The following IFT57 variants were observed in gnomAD, a reference collection of about 807,000 sequenced individuals.
The protein encoded by IFT57 is intraflagellar transport 57.
Under a neutral mutation model 56.8 loss-of-function variants are expected in IFT57, and 59 were observed. That is an observed-to-expected ratio of 1.04 (90% CI 0.84 to 1.29). The LOEUF is 1.29. Among genes scored for constraint, IFT57 ranks in the 50% most tolerant of loss-of-function variants. The pLI is 0.00. For missense variants in IFT57, 470 were observed against 522.1 expected (o/e 0.90, Z 0.97); for synonymous variants, 209 against 186.1 (o/e 1.12, Z -1.00).
chr3:108,220,029 C>T (rs1399641363), intron 1 of IFT57, among the ~76,000 whole-genome samples: 2 of 152,212 alleles, frequency 1.3e-5, no homozygotes, highest in Admixed American at 6.5e-5. Flanking sequence ...ATGTTGGCTG[C>T]ATATTCAATC....
rs2080305216 is a variant in IFT57, at chr3:108,205,666, A to C, written c.654+962T>G. Among the ~76,000 whole-genome samples, 3 of 149,880 alleles carry C rather than the reference A, an allele frequency of 2.0e-5. No homozygotes were observed. In the South Asian group the frequency reaches 6.2e-4, roughly 31 times the overall value. ...ACTTGTCTTGAGGATTCAGATAAGA[A>C]AAATTAAATAAAGGACTAATAGAGC... is the stretch of plus-strand genomic sequence containing the variant. On this transcript the variant is annotated intron_variant, in intron 5 of 10. Coordinates refer to ENST00000264538, the MANE Select transcript of IFT57 (RefSeq NM_018010.4).
At chr3:108,189,812 T>A (rs1332366640) in intron 6 of IFT57, among the ~76,000 whole-genome samples, 1 of 152,196 alleles carries the variant, frequency 6.6e-6, no homozygotes, top group Non-Finnish European at 1.5e-5. Context: ...ATGATACTGA[T>A]AATATAAACA....
chr3:108,167,984 C>T (rs1228602598), intron 6 of IFT57, 120 bp from the exon 7 acceptor site: 4 of 555,126 alleles, frequency 7.2e-6, no homozygotes, highest in African/African-American at 1.9e-5. Flanking sequence ...GGTGGGATAG[C>T]CCTATTTATA....
chr3:108,195,257 C>A (rs929686567), intron 5 of IFT57, among the ~76,000 whole-genome samples: 3 of 152,060 alleles, frequency 2.0e-5, no homozygotes, highest in African/African-American at 7.2e-5. Flanking sequence ...CAGAGAAATG[C>A]GAACCAAAAC....
chr3:108,218,694 A>G, intron 2 of IFT57, 41 bp from the exon 3 acceptor site: 1 of 980,288 alleles, frequency 1.0e-6, no homozygotes, highest in Non-Finnish European at 1.5e-6. Context: ...TTTGTTAGTT[A>G]TACTCCAAAT....
chr3:108,208,869 T>C (rs886999318), intron 4 of IFT57, among the ~76,000 whole-genome samples: 2 of 151,948 alleles, frequency 1.3e-5, no homozygotes, highest in African/African-American at 4.8e-5. Context: ...GAAGGAAGAG[T>C]ATTCTAAAAT....
At chr3:108,196,821 A>AT (rs1440923158) in intron 5 of IFT57, among the ~76,000 whole-genome samples, 1 of 152,202 alleles carries the variant, frequency 6.6e-6, no homozygotes, top group Non-Finnish European at 1.5e-5. Flanking sequence ...CCATGTTTGC[A>AT]TATCTATTTC....
At chr3:108,165,399 G>A in intron 9 of IFT57, 32 bp downstream of exon 9, 1 of 1,582,028 alleles carries the variant, frequency 6.3e-7, no homozygotes, top group Non-Finnish European at 8.7e-7. Flanking sequence ...CAGCTGACAG[G>A]TGAGAAGCAG....
At position 108,219,448 on chromosome 3, in the gene IFT57, C is replaced by A; in HGVS notation, c.337G>T (p.Ala113Ser). The change falls in exon 2 of 11, where the codon GCA becomes TCA. Residue 113 changes from alanine (A) to serine (S), a missense_variant. Physicochemically the swap from Ala to Ser is moderately conservative, Grantham distance 99 (BLOSUM62 1). Transcript: ENST00000264538. ...TCGGATAGTATGTTAGATATTGTTGCATTAGGGTCATCATATTCTTGAGGC... is the reference window on the plus strand; with the variant it reads ...TCGGATAGTATGTTAGATATTGTTGAATTAGGGTCATCATATTCTTGAGGC... ...EQPQEYDDPN[A>S]TISNILSELR... 1 of 1,613,252 alleles carries A rather than the reference C, an allele frequency of 6.2e-7. No individual in the cohort carries two copies. The highest frequency in any genetic ancestry group is 8.5e-7 in the Non-Finnish European group (1 of 1,179,564).
At chr3:108,162,774 A>C in intron 10 of IFT57, 119 bp from the exon 11 acceptor site, 2 of 738,852 alleles carry the variant, frequency 2.7e-6, no homozygotes, top group Non-Finnish European at 4.0e-6. Flanking sequence ...AAATATAGCC[A>C]AAAACTTACT....
At position 108,206,614 on chromosome 3, in the gene IFT57, C is replaced by A; in HGVS notation, c.654+14G>T. Reference sequence around the variant, plus strand: ...GATTGCTTGTTGGTCCTGCATGTATCTGATGAAACTTACCAAGTGATATGT... The same window carrying A: ...GATTGCTTGTTGGTCCTGCATGTATATGATGAAACTTACCAAGTGATATGT... On this transcript the variant is annotated intron_variant, in intron 5 of 10. Transcript: ENST00000264538. The A allele has an allele frequency of 7.9e-7, 1 of 1,258,650 alleles. No individual in the cohort carries two copies. The highest frequency in any genetic ancestry group is 1.1e-6 in the Non-Finnish European group (1 of 944,160). The allele number at this position is 1,258,650 out of a possible 1,614,324, so 78.0% of individuals were successfully genotyped here. A position where few individuals can be genotyped will look rare whatever the true frequency, so the allele number is the denominator to read the frequency against.
At chr3:108,195,521 C>T (rs2108319258) in intron 5 of IFT57, among the ~76,000 whole-genome samples, 1 of 152,230 alleles carries the variant, frequency 6.6e-6, no homozygotes, top group South Asian at 2.1e-4. Context: ...TCTGCATTCG[C>T]ATGTTTACTG....
At chr3:108,178,471 CA>C (rs1307301824) in intron 6 of IFT57, among the ~76,000 whole-genome samples, 1 of 151,722 alleles carries the variant, frequency 6.6e-6, no homozygotes, top group African/African-American at 2.4e-5. Flanking sequence ...TATCATAATA[CA>C]AAAAGGAAAA....
Position 108,166,910 on chromosome 3 carries a change from T to C in IFT57, c.925A>G (p.Asn309Asp). 1 of 1,611,822 alleles carries C rather than the reference T, an allele frequency of 6.2e-7. No individual in the cohort carries two copies. The highest frequency in any genetic ancestry group is 8.5e-7 in the Non-Finnish European group (1 of 1,178,620). Residue 309 changes from asparagine to aspartate, a missense_variant, in exon 8 of 11, where the codon AAT becomes GAT. By Grantham distance (23) the Asn-to-Asp change is conservative. Transcript: ENST00000264538. ...TCTTGAACCAAATTCTCAAGCTGAT[T>C]GTTGATGTACTTTTCTCGGCTGCTG... ...KISSREKYIN[N>D]QLENLVQEYR...
intron 5 of IFT57, among the ~76,000 whole-genome samples, chr3:108,203,635 T>C (rs555252116): frequency 7.2e-5 from 11 of 152,352 alleles, no homozygotes; most frequent in African/African-American, 2.6e-4. Flanking sequence ...TATTCAGGCA[T>C]GTATTCATAC....
At chr3:108,182,970 A>G (rs1200777167) in intron 6 of IFT57, among the ~76,000 whole-genome samples, 1 of 152,152 alleles carries the variant, frequency 6.6e-6, no homozygotes, top group Non-Finnish European at 1.5e-5. Context: ...AGGGCATTAA[A>G]GCATGTTAGA....
At chr3:108,204,643 T>A (rs2080299564) in intron 5 of IFT57, among the ~76,000 whole-genome samples, 1 of 152,202 alleles carries the variant, frequency 6.6e-6, no homozygotes, top group Non-Finnish European at 1.5e-5. Context: ...GAGCACTCGG[T>A]CATCATCATC....
intron 4 of IFT57, among the ~76,000 whole-genome samples, chr3:108,208,720 T>C (rs999780414): frequency 1.3e-5 from 2 of 152,152 alleles, no homozygotes; most frequent in Non-Finnish European, 2.9e-5. Flanking sequence ...CAACAATGAT[T>C]TGATTGAACA....
chr3:108,202,475 T>G (rs1560120220), intron 5 of IFT57, among the ~76,000 whole-genome samples: 1 of 152,226 alleles, frequency 6.6e-6, no homozygotes, highest in Non-Finnish European at 1.5e-5. Context: ...GTCAGAACTT[T>G]AATTCGGCAC....
Sources: gnomAD v4.1 joint callset for allele counts (sites outside exome capture counted in the v4.1 genomes callset) on GRCh38, gnomAD v4.1.1 for gene constraint, MANE v1.5 for transcripts, NCBI Gene and HGNC (gene_info 2026-07-23, HGNC 2026-07-21) for gene names.